Variants in NETO1 observed in about 807,000 individuals in gnomAD.
The protein encoded by NETO1 is neuropilin and tolloid-like protein 1.
A neutral mutation model predicts 61.3 loss-of-function variants in NETO1; 26 were observed. That is an observed-to-expected ratio of 0.42 (90% confidence interval 0.31 to 0.59). NETO1 has a LOEUF of 0.59. Ranked by LOEUF, NETO1 falls within the 20% of genes least tolerant of loss-of-function variation. The pLI is 0.12. For missense variants in NETO1, 531 were observed against 662.8 expected (o/e 0.80, Z 2.18); for synonymous variants, 225 against 225.8 (o/e 1.00, Z 0.03).
chr18:72,771,296 C>T (rs1475527612), intron 7 of NETO1, among the ~76,000 whole-genome samples: 6 of 152,218 alleles, frequency 3.9e-5, no homozygotes, highest in South Asian at 2.1e-4. Flanking sequence ...CGTAAACAAA[C>T]GCTGCAGAGA....
intron 6 of NETO1, among the ~76,000 whole-genome samples, chr18:72,792,472 C>T (rs2072155631): frequency 6.6e-6 from 1 of 151,526 alleles, no homozygotes; most frequent in Non-Finnish European, 1.5e-5. Flanking sequence ...CTCTTCTTTT[C>T]CCCTCAGTCT....
In NETO1 at chr18:72,744,169, G is replaced by C. The variant is rs974763253; in HGVS notation, c.*4010C>G. On this transcript the variant is annotated 3_prime_UTR_variant, in exon 11 of 11. Coordinates refer to ENST00000327305, the MANE Select transcript of NETO1 (RefSeq NM_138966.5). ...ACAGAATCAGAGGCTACAAGAAAAT[G>C]ATGAGTTGATATGAGTGTCTGACAT... The C allele has an allele frequency of 6.6e-6, 1 of 152,148 alleles. No homozygotes were observed. The highest frequency in any genetic ancestry group is 2.4e-5 in the African/African-American group (1 of 41,430). The allele number at this position is 152,148 out of a possible 1,614,324, so 9.4% of individuals were successfully genotyped here.
chr18:72,772,825 CTATATATATA>C (rs59339805), intron 7 of NETO1, among the ~76,000 whole-genome samples: 1,046 of 39,456 alleles, frequency 0.027, 14 homozygotes, highest in Middle Eastern at 0.061. Flanking sequence ...CTCTCTCTCT[CTATATATATA>C]TATATATATA....
intron 6 of NETO1, among the ~76,000 whole-genome samples, chr18:72,792,520 A>G (rs1178182281): frequency 6.6e-6 from 1 of 151,680 alleles, no homozygotes; most frequent in African/African-American, 2.4e-5. Flanking sequence ...ATCTCTCTCT[A>G]GTATTTCCCT....
chr18:72,770,259 T>C (rs969150871), intron 7 of NETO1, among the ~76,000 whole-genome samples: 3 of 152,126 alleles, frequency 2.0e-5, no homozygotes, highest in African/African-American at 7.2e-5. Flanking sequence ...TTTTTGAATA[T>C]AATCATTATT....
In NETO1 at chr18:72,744,433, A is replaced by G. The variant is rs2070389520; in HGVS notation, c.*3746T>C. 6.6e-6 allele frequency: 1 copy of G among 152,136 alleles called. No homozygotes were observed. Among genetic ancestry groups the G allele is most frequent in the Non-Finnish European group, 1.5e-5 (1 of 68,018 alleles). The allele number at this position is 152,136 out of a possible 1,614,324, so 9.4% of individuals were successfully genotyped here. On this transcript the variant is annotated 3_prime_UTR_variant, in exon 11 of 11. Coordinates refer to ENST00000327305, the MANE Select transcript of NETO1 (RefSeq NM_138966.5). The stretch of plus-strand genomic sequence containing the variant: ...TTTAAGATGGGCTTGGGAAATATTA[A>G]TTAAGTGCATAGAGATTGATAATTA...
intron 4 of NETO1, among the ~76,000 whole-genome samples, chr18:72,828,746 G>T (rs1243118761): frequency 2.0e-5 from 3 of 152,144 alleles, no homozygotes; most frequent in Non-Finnish European, 1.5e-5. Context: ...AGAAAGAAAA[G>T]CCATGTCAAT....
At chr18:72,848,700 C>T (rs1344654296) in intron 4 of NETO1, among the ~76,000 whole-genome samples, 1 of 152,174 alleles carries the variant, frequency 6.6e-6, no homozygotes, top group African/African-American at 2.4e-5. Context: ...ACTTAACTCC[C>T]CACCCTGTGG....
intron 9 of NETO1, among the ~76,000 whole-genome samples, chr18:72,749,474 T>C (rs1293391785): frequency 6.6e-6 from 1 of 152,182 alleles, no homozygotes; most frequent in Non-Finnish European, 1.5e-5. Context: ...GTTTCTACTA[T>C]TTCTTACAAC....
chr18:72,805,350 T>A (rs1458163160), intron 4 of NETO1, among the ~76,000 whole-genome samples: 1 of 152,148 alleles, frequency 6.6e-6, no homozygotes, highest in Admixed American at 6.5e-5. Flanking sequence ...TCTACACAAA[T>A]GAAAAGAATA....
chr18:72,854,724 T>G (rs1419855741), intron 4 of NETO1, among the ~76,000 whole-genome samples: 1 of 152,238 alleles, frequency 6.6e-6, no homozygotes, highest in African/African-American at 2.4e-5. Flanking sequence ...GAAAGTGGTA[T>G]TCCCTCTTCT....
intron 4 of NETO1, among the ~76,000 whole-genome samples, chr18:72,840,651 T>A (rs76872685): frequency 7.1e-5 from 9 of 127,524 alleles, no homozygotes; most frequent in African/African-American, 1.4e-4. Context: ...TTTTTTTTTT[T>A]AAAAAGAAAG....
intron 4 of NETO1, among the ~76,000 whole-genome samples, chr18:72,803,905 A>T (rs534296523): frequency 6.6e-6 from 1 of 152,048 alleles, no homozygotes; most frequent in South Asian, 2.1e-4. Flanking sequence ...ATCTACTTCC[A>T]CCATAACAAC....
chr18:72,843,926 A>G (rs1308395901), intron 4 of NETO1, among the ~76,000 whole-genome samples: 1 of 152,210 alleles, frequency 6.6e-6, no homozygotes, highest in East Asian at 1.9e-4. Flanking sequence ...TCAAACTCAT[A>G]TAATGTTCTA....
At chr18:72,829,128 CAG>C (rs1254301550) in intron 4 of NETO1, among the ~76,000 whole-genome samples, 2 of 152,002 alleles carry the variant, frequency 1.3e-5, no homozygotes, top group African/African-American at 2.4e-5. Flanking sequence ...TAATTTCACT[CAG>C]AAATTGAAAA....
intron 4 of NETO1, among the ~76,000 whole-genome samples, chr18:72,856,493 G>C (rs868079493): frequency 6.6e-6 from 1 of 152,148 alleles, no homozygotes; most frequent in African/African-American, 2.4e-5. Context: ...CGATAGTTGA[G>C]TTCTTACAGG....
intron 7 of NETO1, among the ~76,000 whole-genome samples, chr18:72,757,166 T>C (rs930642963): frequency 1.3e-5 from 2 of 152,100 alleles, no homozygotes; most frequent in African/African-American, 4.8e-5. Flanking sequence ...ACATGAAACA[T>C]ATGAATTTCC....
intron 7 of NETO1, among the ~76,000 whole-genome samples, chr18:72,774,513 G>A (rs8083247): frequency 0.3 from 45,667 of 151,938 alleles, 8,026 homozygotes; most frequent in South Asian, 0.48. Flanking sequence ...AAAGTATAAA[G>A]CTATAATAAT....
chr18:72,778,702 C>T (rs1405990061), intron 7 of NETO1, among the ~76,000 whole-genome samples: 4 of 152,166 alleles, frequency 2.6e-5, no homozygotes, highest in African/African-American at 9.7e-5. Flanking sequence ...TATAAGCATT[C>T]TGTTCAGAAT....
Sources: gnomAD v4.1 joint callset for allele counts (sites outside exome capture counted in the v4.1 genomes callset) on GRCh38, gnomAD v4.1.1 for gene constraint, MANE v1.5 for transcripts, NCBI Gene and HGNC (gene_info 2026-07-23, HGNC 2026-07-21) for gene names.